Variants in PRKCA observed in about 807,000 individuals in gnomAD.
The protein encoded by PRKCA is protein kinase C alpha type.
PRKCA carries 27 observed loss-of-function variants against 87.0 expected under a neutral mutation model. The observed-to-expected ratio is 0.31, with a 90% confidence interval of 0.23 to 0.43. The LOEUF (loss-of-function observed/expected upper bound fraction) is 0.43, where lower values mean the gene tolerates loss of function less well. PRKCA is among the 20% of genes least tolerant of loss of function. PRKCA has a pLI of 1.00. For synonymous variants in PRKCA, 329 were observed against 311.1 expected, an observed-to-expected ratio of 1.06 and a Z score of -0.61; for missense variants, 518 against 852.3, an observed-to-expected ratio of 0.61 and a Z score of 4.88.
intron 15 of PRKCA, chr17:66,787,206 G>A: frequency 1.4e-6 from 1 of 712,302 alleles, no homozygotes; most frequent in South Asian, 1.4e-5. Context: ...GAACCTTGTA[G>A]TGTTGCTCCT....
intron 2 of PRKCA, among the ~76,000 whole-genome samples, chr17:66,411,522 A>C (rs1384453044): frequency 6.6e-6 from 1 of 152,196 alleles, no homozygotes; most frequent in Admixed American, 6.5e-5. Flanking sequence ...TGGGACAGCT[A>C]TTCTCAAGGC....
intron 2 of PRKCA, among the ~76,000 whole-genome samples, chr17:66,437,050 G>A (rs1048348845): frequency 6.6e-6 from 1 of 152,154 alleles, no homozygotes; most frequent in African/African-American, 2.4e-5. Context: ...GCTTAGAAGA[G>A]GCAGCAGAGC....
intron 3 of PRKCA, among the ~76,000 whole-genome samples, chr17:66,553,690 C>T (rs773103228): frequency 6.6e-6 from 1 of 152,212 alleles, no homozygotes; most frequent in Non-Finnish European, 1.5e-5. Context: ...TTTGAAGGAG[C>T]TGCTGGTGAG....
At chr17:66,587,867 G>A (rs1409932328) in intron 3 of PRKCA, among the ~76,000 whole-genome samples, 1 of 56,228 alleles carries the variant, frequency 1.8e-5, no homozygotes, top group Non-Finnish European at 3.4e-5. Flanking sequence ...ATATACATAT[G>A]TATGTGTGTG....
intron 2 of PRKCA, among the ~76,000 whole-genome samples, chr17:66,450,333 C>T (rs1388367431): frequency 6.6e-6 from 1 of 152,150 alleles, no homozygotes; most frequent in African/African-American, 2.4e-5. Context: ...TCACAGTCTC[C>T]TTGTCTGGAA....
At chr17:66,512,682 C>T (rs188642382) in intron 3 of PRKCA, among the ~76,000 whole-genome samples, 8 of 152,094 alleles carry the variant, frequency 5.3e-5, no homozygotes, top group East Asian at 3.9e-4. Flanking sequence ...CTGCCTCCTT[C>T]GAGAGCCTTT....
At chr17:66,406,337 T>C (rs766427130) in intron 2 of PRKCA, among the ~76,000 whole-genome samples, 11 of 152,338 alleles carry the variant, frequency 7.2e-5, no homozygotes, top group South Asian at 6.2e-4. Flanking sequence ...GAAAGTTTCA[T>C]TGGATGCTCT....
At chr17:66,430,241 A>T (rs1247597496) in intron 2 of PRKCA, among the ~76,000 whole-genome samples, 1 of 151,872 alleles carries the variant, frequency 6.6e-6, no homozygotes, top group Non-Finnish European at 1.5e-5. Flanking sequence ...AAGTCCCTGG[A>T]GCCTCTAGGC....
intron 3 of PRKCA, among the ~76,000 whole-genome samples, chr17:66,590,866 A>T (rs1969782849): frequency 6.6e-6 from 1 of 151,214 alleles, no homozygotes; most frequent in Non-Finnish European, 1.5e-5. Context: ...AAAAAAGTGG[A>T]TGCCGGTCCT....
chr17:66,566,789 G>A (rs1464103347), intron 3 of PRKCA, among the ~76,000 whole-genome samples: 1 of 152,086 alleles, frequency 6.6e-6, no homozygotes, highest in Non-Finnish European at 1.5e-5. Flanking sequence ...TCTCAGTGCA[G>A]GTGCCCCTAC....
intron 2 of PRKCA, among the ~76,000 whole-genome samples, chr17:66,346,411 A>T (rs926805585): frequency 7.5e-6 from 1 of 133,044 alleles, no homozygotes; most frequent in Admixed American, 7.5e-5. Context: ...TATCTTTTTT[A>T]AATTAAAAAA....
intron 3 of PRKCA, among the ~76,000 whole-genome samples, chr17:66,520,528 G>T (rs1967128357): frequency 6.6e-6 from 1 of 152,172 alleles, no homozygotes; most frequent in Non-Finnish European, 1.5e-5. Flanking sequence ...CTCCCAGAGT[G>T]CTGGGATTAC....
intron 4 of PRKCA, 130 bp from the exon 5 acceptor site, chr17:66,645,253 A>G (rs1971420694): frequency 7.8e-7 from 1 of 1,280,758 alleles, no homozygotes; most frequent in Admixed American, 2.1e-5. Flanking sequence ...TCTTTATGTC[A>G]CCAAAAACAT....
At chr17:66,506,862 A>T (rs1331060737) in intron 3 of PRKCA, among the ~76,000 whole-genome samples, 1 of 152,188 alleles carries the variant, frequency 6.6e-6, no homozygotes, top group Non-Finnish European at 1.5e-5. Flanking sequence ...TGACTCAGTG[A>T]TACTAGACAT....
At position 66,789,024 on chromosome 17, in the gene PRKCA, A is replaced by T. The variant is rs1975468863; in HGVS notation, c.1854+45A>T. ...CTGTTTTCGGAACCCCATGTCCCCA[A>T]ATTCTGGGAGTATCCCACTCACCTC... On this transcript the variant is annotated intron_variant, in intron 16 of 16. Coordinates refer to ENST00000413366, the MANE Select transcript of PRKCA (RefSeq NM_002737.3). 3.1e-6 allele frequency: 5 copies of T among 1,611,096 alleles called. No individual in the cohort carries two copies. In the African/African-American group the frequency reaches 4.0e-5, roughly 13 times the overall value.
In PRKCA at chr17:66,587,873, G is replaced by A. The variant is rs1314654899; in HGVS notation, c.289-53482G>A. 1.9e-4 allele frequency among the ~76,000 whole-genome samples: 8 copies of A among 42,624 alleles called. 1 individual carries two copies. The highest frequency in any genetic ancestry group is 2.6e-4 in the Non-Finnish European group (5 of 19,272). 28.0% of individuals were successfully genotyped at this position (42,624 alleles called of 152,430 possible). A position where few individuals can be genotyped will look rare whatever the true frequency, so the allele number is the denominator to read the frequency against. ...CATATACATATATACATATGTATGT[G>A]TGTGTGTGTGTGTGTGTGTGTGTAT... On this transcript the variant is annotated intron_variant, in intron 3 of 16. Transcript: ENST00000413366.
chr17:66,670,446 C>A (rs140237301), intron 5 of PRKCA, among the ~76,000 whole-genome samples: 22 of 152,298 alleles, frequency 1.4e-4, no homozygotes, highest in Admixed American at 3.3e-4. Context: ...ATGCTTCATA[C>A]CCTTGGGGAG....
At chr17:66,309,469 T>C (rs1004176968) in intron 2 of PRKCA, among the ~76,000 whole-genome samples, 2 of 152,176 alleles carry the variant, frequency 1.3e-5, no homozygotes, top group Non-Finnish European at 1.5e-5. Context: ...TATTGCAATA[T>C]AGGTATACAA....
intron 2 of PRKCA, among the ~76,000 whole-genome samples, chr17:66,495,331 G>T (rs1034750331): frequency 2.0e-5 from 3 of 152,190 alleles, no homozygotes; most frequent in South Asian, 4.2e-4. Flanking sequence ...CATTTCAAAG[G>T]TCTGTTTTCT....
Sources: allele counts gnomAD v4.1 joint callset (sites outside exome capture counted in the v4.1 genomes callset), GRCh38; gene constraint gnomAD v4.1.1; transcripts MANE v1.5; gene names NCBI Gene and HGNC (gene_info 2026-07-23, HGNC 2026-07-21).